Variants in CDH8 observed in about 807,000 individuals in gnomAD.
The protein encoded by CDH8 is cadherin-8.
Under a neutral mutation model 68.1 loss-of-function variants are expected in CDH8, and 17 were observed. That is an observed-to-expected ratio of 0.25 (90% CI 0.17 to 0.37). CDH8 has a LOEUF of 0.37. Among genes scored for constraint, CDH8 ranks in the 10% least tolerant of loss-of-function variants. CDH8 has a pLI of 1.00. For synonymous variants in CDH8, 372 were observed against 365.1 expected (o/e 1.02, Z -0.21); for missense variants, 763 against 999.3 (o/e 0.76, Z 3.19).
At chr16:61,723,655 A>G (rs1959258124) in intron 9 of CDH8, among the ~76,000 whole-genome samples, 1 of 150,922 alleles carries the variant, frequency 6.6e-6, no homozygotes, top group South Asian at 2.1e-4. Context: ...CATTTTCAGT[A>G]TCTAGCCCAG....
intron 8 of CDH8, among the ~76,000 whole-genome samples, chr16:61,754,187 A>G (rs1376844058): frequency 6.6e-6 from 1 of 152,154 alleles, no homozygotes; most frequent in Admixed American, 6.6e-5. Context: ...TGATAAAATA[A>G]TGTAGATACA....
chr16:61,724,249 C>T (rs1188083245), intron 9 of CDH8, among the ~76,000 whole-genome samples: 2 of 150,604 alleles, frequency 1.3e-5, no homozygotes, highest in East Asian at 1.9e-4. Context: ...GAATCTAGAC[C>T]TATTTTAGCT....
chr16:61,808,993 T>C (rs1175131040), intron 7 of CDH8, among the ~76,000 whole-genome samples: 1 of 152,078 alleles, frequency 6.6e-6, no homozygotes, highest in Non-Finnish European at 1.5e-5. Context: ...CAAGACCAGC[T>C]TGATCAACAT....
Position 61,825,176 on chromosome 16 carries a change from A to G in CDH8, c.671T>C (p.Ile224Thr). 6.3e-7 allele frequency: 1 copy of G among 1,598,036 alleles called. No individual in the cohort carries two copies. The highest frequency in any genetic ancestry group is 8.5e-7 in the Non-Finnish European group (1 of 1,174,664). ...CATGTTGGGAAGGGCAGTTTTTATA[A>G]TAGCTGAGGGGGAAAATGGAAGAAT... ...PYFSIEPETA[I>T]IKTALPNMDR... is the part of the protein sequence containing the mutation. Residue 224 changes from isoleucine to threonine, a missense_variant, in exon 5 of 12, where the codon ATT (isoleucine) becomes ACT (threonine). Physicochemically the swap from Ile to Thr is moderately conservative, Grantham distance 89. Around this residue, in one of 2 missense-constraint regions of CDH8, gnomAD observed 366 missense variants for 563.1 expected, o/e 0.65. Transcript: ENST00000577390.
chr16:61,810,289 T>C (rs1449586158), intron 7 of CDH8, among the ~76,000 whole-genome samples: 3 of 152,230 alleles, frequency 2.0e-5, no homozygotes, highest in Admixed American at 6.5e-5. Flanking sequence ...AAAAATTCCA[T>C]CTACAAGTTT....
At chr16:61,971,014 T>A (rs1472388458) in intron 2 of CDH8, among the ~76,000 whole-genome samples, 1 of 151,772 alleles carries the variant, frequency 6.6e-6, no homozygotes, top group Non-Finnish European at 1.5e-5. Context: ...CTTAAGAAGG[T>A]ACTTTGTAAT....
intron 8 of CDH8, among the ~76,000 whole-genome samples, chr16:61,739,466 A>C (rs1389347107): frequency 1.3e-5 from 2 of 152,128 alleles, no homozygotes; most frequent in African/African-American, 4.8e-5. Flanking sequence ...TTGTCAGATC[A>C]AAATGAAGAT....
chr16:61,682,567 T>C (rs1216232830), intron 10 of CDH8, among the ~76,000 whole-genome samples: 7 of 151,894 alleles, frequency 4.6e-5, no homozygotes, highest in Non-Finnish European at 8.8e-5. Context: ...TTATAGTATC[T>C]CCAATTAAAT....
At chr16:61,990,562 A>G (rs993719242) in intron 2 of CDH8, among the ~76,000 whole-genome samples, 1 of 152,054 alleles carries the variant, frequency 6.6e-6, no homozygotes, top group African/African-American at 2.4e-5. Flanking sequence ...CCTGTAATCC[A>G]GTATTTTGGG....
In CDH8 at chr16:61,719,742, A is replaced by G. The variant is rs545370488; in HGVS notation, c.1537-5784T>C. Among the ~76,000 whole-genome samples, 105 of 150,940 alleles carry G rather than the reference A, an allele frequency of 7.0e-4. 1 individual carries two copies. The highest frequency in any genetic ancestry group is 5.0e-3 in the South Asian group (24 of 4,814). Reference sequence around the variant, plus strand: ...AAACAGTAATTCCTATATTGAAAATATGTTCCATTGTTTATCCTCCCAGGG... The same window carrying G: ...AAACAGTAATTCCTATATTGAAAATGTGTTCCATTGTTTATCCTCCCAGGG... On this transcript the variant is annotated intron_variant, in intron 9 of 11. Transcript: ENST00000577390.
At chr16:61,758,560 G>A (rs1453782693) in intron 8 of CDH8, among the ~76,000 whole-genome samples, 1 of 152,104 alleles carries the variant, frequency 6.6e-6, no homozygotes. Flanking sequence ...AGCCTCCAAA[G>A]TAGCTGGGAT....
In CDH8 at chr16:62,023,816, C is replaced by T. The variant is rs374184717; in HGVS notation, c.-199-2214G>A. On this transcript the variant is annotated intron_variant, in intron 1 of 11. Coordinates refer to ENST00000577390, the MANE Select transcript of CDH8 (RefSeq NM_001796.5). ...GCCTAAACTTCTCAGAGAAAAGGGA[C>T]TTAACTCTTTCCAGTTCTCCCCTAC... Among the ~76,000 whole-genome samples, 46 of 152,220 alleles carry T rather than the reference C, an allele frequency of 3.0e-4. 1 individual carries two copies. In the South Asian group the frequency reaches 9.6e-3, roughly 32 times the overall value.
Position 61,959,137 on chromosome 16 carries a change from A to T in CDH8, c.253-57664T>A, listed in dbSNP as rs758067417. The stretch of plus-strand genomic sequence containing the variant: ...ACCTTCTCCCCCATCTCCATCTCTC[A>T]CCTTCATCTAACTTAAATACTTCCA... On this transcript the variant is annotated intron_variant, in intron 2 of 11. Transcript: ENST00000577390. Among the ~76,000 whole-genome samples, 5 of 151,768 alleles carry T rather than the reference A, an allele frequency of 3.3e-5. 1 individual carries two copies. Among genetic ancestry groups the T allele is most frequent in the South Asian group, 4.2e-4 (2 of 4,798 alleles).
intron 2 of CDH8, among the ~76,000 whole-genome samples, chr16:62,017,922 G>T (rs961872464): frequency 6.6e-6 from 1 of 151,972 alleles, no homozygotes; most frequent in African/African-American, 2.4e-5. Context: ...CTGTGAAGGG[G>T]CTCCCAGAGT....
intron 1 of CDH8, among the ~76,000 whole-genome samples, chr16:62,031,709 G>A (rs1902331148): frequency 1.4e-5 from 2 of 145,798 alleles, no homozygotes; most frequent in Non-Finnish European, 3.0e-5. Flanking sequence ...AGACATCCAA[G>A]CAAGAGGATG....
intron 2 of CDH8, among the ~76,000 whole-genome samples, chr16:61,946,620 C>T (rs1036031713): frequency 1.3e-5 from 2 of 152,092 alleles, no homozygotes; most frequent in Admixed American, 6.6e-5. Context: ...AGGAAACTGG[C>T]GTTTGATAGG....
chr16:61,768,150 T>C (rs1960641804), intron 8 of CDH8, among the ~76,000 whole-genome samples: 1 of 151,900 alleles, frequency 6.6e-6, no homozygotes, highest in Non-Finnish European at 1.5e-5. Flanking sequence ...GTTTCTAAAA[T>C]TGAATAAAAT....
chr16:61,916,383 C>T lies in CDH8; in HGVS notation c.253-14910G>A, dbSNP rs769529862. 6.6e-5 allele frequency among the ~76,000 whole-genome samples: 10 copies of T among 152,004 alleles called. No homozygotes were observed. The East Asian group carries it at 9.7e-4, about 15-fold the overall frequency. ...TACAAAAATTAGCTGGGTGTGGTGG[C>T]GCATGCCTGACGTCCCAGCTACTTG... On this transcript the variant is annotated intron_variant, in intron 2 of 11. Transcript: ENST00000577390.
intron 7 of CDH8, among the ~76,000 whole-genome samples, chr16:61,798,724 T>C (rs886582378): frequency 6.6e-6 from 1 of 152,150 alleles, no homozygotes; most frequent in Non-Finnish European, 1.5e-5. Flanking sequence ...AAACCAGGCA[T>C]AGTGATTATT....
Sources: gnomAD v4.1 joint callset for allele counts (sites outside exome capture counted in the v4.1 genomes callset) on GRCh38, gnomAD v4.1.1 for gene constraint, gnomAD v4.1.1 regional missense constraint, MANE v1.5 for transcripts, NCBI Gene and HGNC (gene_info 2026-07-23, HGNC 2026-07-21) for gene names.